Variants in NR3C2 observed in about 807,000 individuals in gnomAD.
NR3C2 encodes the protein mineralocorticoid receptor.
In NR3C2, 15 loss-of-function variants were observed where a neutral mutation model predicts 86.4. The ratio of observed to expected loss-of-function variants is 0.17; its 90% CI spans 0.12 to 0.27. NR3C2 has a LOEUF of 0.27. Ranked by LOEUF, NR3C2 falls within the 10% of genes least tolerant of loss-of-function variation. NR3C2 has a pLI of 1.00. For synonymous variants in NR3C2, 458 were observed against 450.5 expected (o/e 1.02, Z -0.21); for missense variants, 960 against 1,195.6 (o/e 0.80, Z 2.91).
intron 6 of NR3C2, among the ~76,000 whole-genome samples, chr4:148,127,432 C>G (rs61764563): frequency 6.6e-6 from 1 of 152,164 alleles, no homozygotes; most frequent in Non-Finnish European, 1.5e-5. Context: ...ATACTGACTA[C>G]TTTGGGAAAG....
chr4:148,136,056 CAA>C lies in NR3C2; in HGVS notation c.2511-15770_2511-15769del, dbSNP rs199716496. Among the ~76,000 whole-genome samples, 12 of 71,206 alleles carry C rather than the reference CAA, an allele frequency of 1.7e-4. No individual in the cohort carries two copies. In the South Asian group the frequency reaches 3.4e-3, roughly 20 times the overall value. The allele number at this position is 71,206 out of a possible 152,430, so 46.7% of individuals were successfully genotyped here. ...TGGGCGACAGAGCGAGACTCCGTCT[CAA>C]AAAAAAAAAAAAAAAAAACAAAAAA... On this transcript the variant is annotated intron_variant, in intron 6 of 8. Transcript: ENST00000358102.
intron 2 of NR3C2, among the ~76,000 whole-genome samples, chr4:148,364,119 C>G (rs1745989770): frequency 6.6e-6 from 1 of 152,170 alleles, no homozygotes. Flanking sequence ...TATTTATGAT[C>G]TATATAAGAT....
intron 2 of NR3C2, among the ~76,000 whole-genome samples, chr4:148,415,907 T>C (rs1017219422): frequency 5.9e-5 from 9 of 152,184 alleles, no homozygotes; most frequent in African/African-American, 1.9e-4. Context: ...CTATTACTCA[T>C]AGACAAACAC....
chr4:148,087,817 T>C (rs960533181), intron 8 of NR3C2, among the ~76,000 whole-genome samples: 3 of 152,122 alleles, frequency 2.0e-5, no homozygotes, highest in African/African-American at 7.2e-5. Context: ...GGGCAAAGAC[T>C]TCATGACTAA....
rs117167059 is a variant in NR3C2, at chr4:148,090,341, T to C, written c.2800-8842A>G. Among the ~76,000 whole-genome samples the C allele has an allele frequency of 1.8e-4, 27 of 152,252 alleles. No individual in the cohort carries two copies. In the East Asian group the frequency reaches 4.1e-3, roughly 23 times the overall value. ...ACATGACCTGAAGGTCGCATGGCCA[T>C]TGGGGGACCAGCAAGTGCAGGGTTA... On this transcript the variant is annotated intron_variant, in intron 8 of 8. Coordinates refer to ENST00000358102, the MANE Select transcript of NR3C2 (RefSeq NM_000901.5).
intron 2 of NR3C2, among the ~76,000 whole-genome samples, chr4:148,358,145 T>C (rs376814261): frequency 2.6e-5 from 4 of 152,076 alleles, no homozygotes; most frequent in East Asian, 1.9e-4. Context: ...GACTATAAAT[T>C]ATGCTGCTAA....
intron 6 of NR3C2, among the ~76,000 whole-genome samples, chr4:148,126,838 C>T (rs1260738065): frequency 6.6e-6 from 1 of 152,172 alleles, no homozygotes; most frequent in Non-Finnish European, 1.5e-5. Flanking sequence ...TCTCAAAATG[C>T]CCTGTGAGGA....
intron 4 of NR3C2, among the ~76,000 whole-genome samples, chr4:148,160,868 C>T (rs1021649478): frequency 2.0e-5 from 3 of 152,164 alleles, no homozygotes; most frequent in Non-Finnish European, 4.4e-5. Flanking sequence ...GCCCAATAAC[C>T]CTAATTGTTC....
At chr4:148,124,680 C>T (rs1156396724) in intron 6 of NR3C2, among the ~76,000 whole-genome samples, 1 of 152,194 alleles carries the variant, frequency 6.6e-6, no homozygotes, top group African/African-American at 2.4e-5. Context: ...ATCACCCCAT[C>T]CTGTTCCTGT....
intron 7 of NR3C2, among the ~76,000 whole-genome samples, chr4:148,117,485 A>G (rs1732322809): frequency 6.6e-6 from 1 of 151,814 alleles, no homozygotes. Flanking sequence ...GTTCCAAGCC[A>G]TCGGTTTTAG....
intron 8 of NR3C2, among the ~76,000 whole-genome samples, chr4:148,104,149 C>T (rs904599351): frequency 2.0e-5 from 3 of 152,106 alleles, no homozygotes; most frequent in Admixed American, 1.3e-4. Flanking sequence ...AACTTGGCTC[C>T]ACCACCTCTC....
At chr4:148,246,249 T>C (rs1181535583) in intron 3 of NR3C2, among the ~76,000 whole-genome samples, 4 of 152,234 alleles carry the variant, frequency 2.6e-5, no homozygotes, top group Non-Finnish European at 5.9e-5. Context: ...TCTTCAGTAA[T>C]TGCTTTTCCT....
chr4:148,363,886 T>G (rs1024558736), intron 2 of NR3C2, among the ~76,000 whole-genome samples: 8 of 152,164 alleles, frequency 5.3e-5, no homozygotes, highest in Non-Finnish European at 1.0e-4. Flanking sequence ...GTATTCAGTC[T>G]CTCGTGTCAA....
chr4:148,411,041 C>A (rs890696159), intron 2 of NR3C2, among the ~76,000 whole-genome samples: 4 of 152,178 alleles, frequency 2.6e-5, no homozygotes, highest in African/African-American at 9.7e-5. Context: ...ATTGCAGTTT[C>A]TTGCTATATT....
chr4:148,101,549 C>T (rs930500304), intron 8 of NR3C2, among the ~76,000 whole-genome samples: 1 of 152,200 alleles, frequency 6.6e-6, no homozygotes, highest in African/African-American at 2.4e-5. Flanking sequence ...AAGATCAGCT[C>T]AGAAGCCTCA....
intron 3 of NR3C2, among the ~76,000 whole-genome samples, chr4:148,228,081 A>G (rs1024292293): frequency 6.6e-6 from 1 of 152,186 alleles, no homozygotes; most frequent in Non-Finnish European, 1.5e-5. Context: ...AGAGACACAC[A>G]TAGGTATGTA....
chr4:148,184,667 T>A (rs1368987678), intron 4 of NR3C2, among the ~76,000 whole-genome samples: 2 of 152,174 alleles, frequency 1.3e-5, no homozygotes, highest in African/African-American at 2.4e-5. Context: ...AGTGCTTTTT[T>A]AAAAAAATCA....
chr4:148,407,827 T>C (rs1748496543), intron 2 of NR3C2, among the ~76,000 whole-genome samples: 1 of 152,200 alleles, frequency 6.6e-6, no homozygotes, highest in South Asian at 2.1e-4. Context: ...GTCCCATCAC[T>C]ATTTACTACT....
intron 2 of NR3C2, among the ~76,000 whole-genome samples, chr4:148,416,065 G>T (rs1195631523): frequency 6.6e-6 from 1 of 151,866 alleles, no homozygotes; most frequent in African/African-American, 2.4e-5. Flanking sequence ...AAAATAAATT[G>T]TAATGATTTC....
Sources: allele counts gnomAD v4.1 joint callset (sites outside exome capture counted in the v4.1 genomes callset), GRCh38; gene constraint gnomAD v4.1.1; transcripts MANE v1.5; gene names NCBI Gene and HGNC (gene_info 2026-07-23, HGNC 2026-07-21).